Variants in MAP7D1 observed in about 807,000 individuals in gnomAD.
The protein encoded by MAP7D1 is MAP7 domain-containing protein 1.
Under a neutral mutation model 97.5 loss-of-function variants are expected in MAP7D1, and 30 were observed. The ratio of observed to expected loss-of-function variants is 0.31; its 90% CI spans 0.23 to 0.42. The LOEUF is 0.42. Ranked by LOEUF, MAP7D1 falls within the 10% of genes least tolerant of loss-of-function variation. The pLI is 1.00. For synonymous variants in MAP7D1, 536 were observed against 477.1 expected (o/e 1.12, Z -1.61); for missense variants, 1,184 against 1,179.5 (o/e 1.00, Z -0.06).
Position 36,180,302 on chromosome 1 carries a change from G to C in MAP7D1, c.*44G>C, listed in dbSNP as rs1464537259. 1 of 1,613,566 alleles carries C rather than the reference G, an allele frequency of 6.2e-7. No individual in the cohort carries two copies. Among genetic ancestry groups the C allele is most frequent in the Admixed American group, 1.7e-5 (1 of 60,024 alleles). ...CGGGCACAGTTGTGAGGGCTCCTCT[G>C]CATCACCTACCAGGATGTCTGGAGG... On this transcript the variant is annotated 3_prime_UTR_variant, in exon 17 of 17. Coordinates refer to ENST00000474796, the MANE Select transcript of MAP7D1 (RefSeq NM_001388490.1).
rs1326095364 is a variant in MAP7D1, at chr1:36,176,095, AGCCTTG to A, written c.851-95_851-90del. The A allele has an allele frequency of 2.3e-6, 3 of 1,316,646 alleles. No homozygotes were observed. Among genetic ancestry groups the A allele is most frequent in the East Asian group, 2.7e-5 (1 of 37,562 alleles). The allele number at this position is 1,316,646 out of a possible 1,614,324, so 81.6% of individuals were successfully genotyped here. On this transcript the variant is annotated intron_variant, in intron 6 of 16. Coordinates refer to ENST00000474796, the MANE Select transcript of MAP7D1 (RefSeq NM_001388490.1). This position sits in a 1 kb window ranked among gnomAD's most constrained non-coding sequence, Gnocchi z 6.1. ...GTGGGGAGAGGACTCCCGGGTGAGA[AGCCTTG>A]GCCTTGGCATGGGGATGGTGCCTGG... is the stretch of plus-strand genomic sequence containing the variant.
In MAP7D1 at chr1:36,176,418, C is replaced by G; in HGVS notation, c.1070C>G (p.Ala357Gly). The G allele has an allele frequency of 6.5e-7, 1 of 1,533,884 alleles. No individual in the cohort carries two copies. The highest frequency in any genetic ancestry group is 1.9e-5 in the Admixed American group (1 of 52,266). ...PQPDRTHPSAAVPVCPRSASA... is the reference protein window; with the variant it reads ...PQPDRTHPSAGVPVCPRSASA... ...CCCGACCGCACTCATCCCTCTGCAG[C>G]CGTGCCGGTGTGCCCGCGCTCGGCC... The change falls in exon 7 of 17, where the codon GCC becomes GGC. Residue 357 changes from alanine to glycine, a missense_variant. Transcript: ENST00000474796. The surrounding 1 kb of genome is among the most constrained non-coding windows in gnomAD (Gnocchi z 6.1).
At chr1:36,163,248 C>T (rs1049861028) in intron 1 of MAP7D1, among the ~76,000 whole-genome samples, 5 of 152,190 alleles carry the variant, frequency 3.3e-5, no homozygotes, top group African/African-American at 1.2e-4. Flanking sequence ...CCCACCACTG[C>T]ACTTTTGCCC....
intron 1 of MAP7D1, among the ~76,000 whole-genome samples, chr1:36,170,359 A>G (rs983255314): frequency 2.0e-5 from 3 of 152,222 alleles, no homozygotes; most frequent in Admixed American, 6.5e-5. Flanking sequence ...AAAGCATTCC[A>G]CTAGAGCCCA....
At chr1:36,156,864 C>T (rs541873793) in intron 1 of MAP7D1, among the ~76,000 whole-genome samples, 1 of 152,320 alleles carries the variant, frequency 6.6e-6, no homozygotes, top group South Asian at 2.1e-4. Context: ...CATGTGACCC[C>T]AGCCTGAGTG....
chr1:36,166,742 C>A (rs1427963353), intron 1 of MAP7D1, among the ~76,000 whole-genome samples: 1 of 152,080 alleles, frequency 6.6e-6, no homozygotes, highest in Non-Finnish European at 1.5e-5. Context: ...GAGAAAAGAC[C>A]CAGGGGGAAC....
At chr1:36,178,638 G>T (rs778844208) in intron 10 of MAP7D1, 42 bp downstream of exon 10, 57 of 1,541,900 alleles carry the variant, frequency 3.7e-5, no homozygotes, top group Non-Finnish European at 5.0e-5. Context: ...CGTGGGCGCT[G>T]GAGAAGAAGC....
intron 1 of MAP7D1, among the ~76,000 whole-genome samples, chr1:36,164,906 C>A (rs1044576556): frequency 6.6e-6 from 1 of 152,164 alleles, no homozygotes; most frequent in African/African-American, 2.4e-5. Flanking sequence ...TTTCTTCATT[C>A]AACAAATAGT....
At chr1:36,177,481 G>A in intron 8 of MAP7D1, 1 of 466,416 alleles carries the variant, frequency 2.1e-6, no homozygotes. Flanking sequence ...GTATGATGAT[G>A]CCACTGCACT....
Position 36,156,327 on chromosome 1 carries a change from G to C in MAP7D1, c.-91G>C. 1 of 1,143,266 alleles carries C rather than the reference G, an allele frequency of 8.7e-7. No homozygotes were observed. Among genetic ancestry groups the C allele is most frequent in the Non-Finnish European group, 1.2e-6 (1 of 861,442 alleles). 70.8% of individuals were successfully genotyped at this position (1,143,266 alleles called of 1,614,324 possible). On this transcript the variant is annotated 5_prime_UTR_variant, in exon 1 of 17. Transcript: ENST00000474796. The stretch of plus-strand genomic sequence containing the variant: ...GCTACTTGCCGGGCCGGGCCGGGCC[G>C]GGCGTGATGCGCCGCGGGACCCCTG...
rs755121841 is a variant in MAP7D1, at chr1:36,171,513, A to C, written c.392A>C (p.Glu131Ala). 1.2e-6 allele frequency: 2 copies of C among 1,614,054 alleles called. No homozygotes were observed. Among genetic ancestry groups the C allele is most frequent in the East Asian group, 4.5e-5 (2 of 44,898 alleles). ...PASDSPPTKQ[E>A]VKKAGERHKL... ...GTCTGTTCTTGTTCCCTCTGCTCAG[A>C]GGTGAAGAAGGCAGGAGAGAGACAC... is the stretch of plus-strand genomic sequence containing the variant. Residue 131 changes from glutamate to alanine, a missense_variant and splice_region_variant, in exon 3 of 17, where the codon GAG (glutamate) becomes GCG (alanine). Glu to Ala is a moderately radical substitution (Grantham distance 107, BLOSUM62 -1). Transcript: ENST00000474796.
chr1:36,178,985 A>T lies in MAP7D1; in HGVS notation c.2090A>T (p.His697Leu). Reference protein sequence around the residue: ...AERQRLEREKHFQQQEQERQE... With the variant: ...AERQRLEREKLFQQQEQERQE... The stretch of plus-strand genomic sequence containing the variant: ...CGGCAGCGTCTGGAGCGGGAAAAGC[A>T]CTTCCAGCAGCAGGAGCAAGAGCGG... Residue 697 changes from histidine to leucine, a missense_variant, in exon 12 of 17, where the codon CAC becomes CTC. By Grantham distance (99) the His-to-Leu change is moderately conservative (BLOSUM62 -3). Transcript: ENST00000474796. 6.4e-7 allele frequency: 1 copy of T among 1,557,454 alleles called. No homozygotes were observed. The highest frequency in any genetic ancestry group is 8.7e-7 in the Non-Finnish European group (1 of 1,151,378).
chr1:36,164,863 G>C (rs546202531), intron 1 of MAP7D1, among the ~76,000 whole-genome samples: 1 of 152,320 alleles, frequency 6.6e-6, no homozygotes, highest in East Asian at 1.9e-4. Context: ...CGATGATGGT[G>C]ATGATGATAT....
rs1299219277 is a variant in MAP7D1, at chr1:36,159,160, C to T, written c.46+2697C>T. ...GCAACCTCCGCCTCCCAGGTTCAAG[C>T]GATTCTCTTGCCTCAGCCTCCCGAG... On this transcript the variant is annotated intron_variant, in intron 1 of 16. Transcript: ENST00000474796. This position sits in a 1 kb window ranked among gnomAD's most constrained non-coding sequence, Gnocchi z 5.4. Among the ~76,000 whole-genome samples the T allele has an allele frequency of 2.6e-5, 4 of 152,076 alleles. No homozygotes were observed. Among genetic ancestry groups the T allele is most frequent in the South Asian group, 2.1e-4 (1 of 4,828 alleles).
At chr1:36,160,491 A>G (rs1450449235) in intron 1 of MAP7D1, among the ~76,000 whole-genome samples, 1 of 152,250 alleles carries the variant, frequency 6.6e-6, no homozygotes, top group Admixed American at 6.5e-5. Context: ...CACAATGCTC[A>G]GCATGTCACG....
intron 3 of MAP7D1, 40 bp downstream of exon 3, chr1:36,171,621 T>C: frequency 6.2e-7 from 1 of 1,604,726 alleles, no homozygotes; most frequent in Non-Finnish European, 8.5e-7. Flanking sequence ...TTCATCGTCA[T>C]CATCAGCATC....
In MAP7D1 at chr1:36,172,598, C is replaced by T. The variant is rs780789428; in HGVS notation, c.595C>T (p.Arg199Trp). 1.3e-5 allele frequency: 21 copies of T among 1,573,048 alleles called. No homozygotes were observed. In the Admixed American group the frequency reaches 1.4e-4, roughly 10 times the overall value. The change falls in exon 4 of 17, where the codon CGG becomes TGG. Residue 199 changes from arginine (R) to tryptophan (W), a missense_variant. By Grantham distance (101) the Arg-to-Trp change is moderately radical. Coordinates refer to ENST00000474796, the MANE Select transcript of MAP7D1 (RefSeq NM_001388490.1). ...GCAACGCCGTGCAGCCCTGGAGGAA[C>T]GGCAGCGGCAGAAGCTCGAGAAAAA... ...AEQRRAALEERQRQKLEKNKE... is the reference protein window; with the variant it reads ...AEQRRAALEEWQRQKLEKNKE...
At position 36,159,872 on chromosome 1, in the gene MAP7D1, C is replaced by G. The variant is rs376850242; in HGVS notation, c.46+3409C>G. ...TCCAGCAGCCAGCTGGCTGGCACCT[C>G]CCAATGACAGCTTCCTAGTCCCTTC... is the stretch of plus-strand genomic sequence containing the variant. On this transcript the variant is annotated intron_variant, in intron 1 of 16. Transcript: ENST00000474796. This position sits in a 1 kb window ranked among gnomAD's most constrained non-coding sequence, Gnocchi z 5.4. 7.2e-5 allele frequency among the ~76,000 whole-genome samples: 11 copies of G among 152,200 alleles called. No individual in the cohort carries two copies. Among genetic ancestry groups the G allele is most frequent in the African/African-American group, 2.7e-4 (11 of 41,454 alleles).
At position 36,176,678 on chromosome 1, in the gene MAP7D1, G is replaced by A. The variant is rs1644629721; in HGVS notation, c.1234-19G>A. ...CTGCTGACCTCTACTCTCCTCTTCC[G>A]TTCCTCCTTCCCTGCCAGGTGCAGA... is the stretch of plus-strand genomic sequence containing the variant. On this transcript the variant is annotated intron_variant, in intron 7 of 16. Coordinates refer to ENST00000474796, the MANE Select transcript of MAP7D1 (RefSeq NM_001388490.1). The surrounding 1 kb of genome is among the most constrained non-coding windows in gnomAD (Gnocchi z 6.1). 3 of 1,606,006 alleles carry A rather than the reference G, an allele frequency of 1.9e-6. No individual in the cohort carries two copies. Among genetic ancestry groups the A allele is most frequent in the Non-Finnish European group, 8.5e-7 (1 of 1,176,910 alleles).
Sources: allele counts gnomAD v4.1 joint callset (sites outside exome capture counted in the v4.1 genomes callset), GRCh38; gene constraint gnomAD v4.1.1; non-coding constraint Gnocchi (gnomAD v3.1); transcripts MANE v1.5; gene names NCBI Gene and HGNC (gene_info 2026-07-23, HGNC 2026-07-21).